Variants in MEIOC observed in about 807,000 individuals in gnomAD.
MEIOC encodes meiosis specific with coiled-coil domain, also known as meiosis-specific coiled-coil domain-containing protein MEIOC.
Under a neutral mutation model 85.3 loss-of-function variants are expected in MEIOC, and 9 were observed. The ratio of observed to expected loss-of-function variants is 0.11; its 90% CI spans 0.06 to 0.18. MEIOC has a LOEUF of 0.18. MEIOC is among the 10% of genes least tolerant of loss of function. MEIOC has a pLI of 1.00. For synonymous variants in MEIOC, 365 were observed against 393.7 expected, an observed-to-expected ratio of 0.93 and a Z score of 0.86; for missense variants, 898 against 1,129.4, an observed-to-expected ratio of 0.80 and a Z score of 2.94.
At chr17:44,670,279 GAAAAA>G (rs887137902) in intron 6 of MEIOC, 1 of 104,660 alleles carries the variant, frequency 9.6e-6, no homozygotes, top group African/African-American at 3.5e-5. Flanking sequence ...AAAAAAAAAA[GAAAAA>G]AAAAGAAAAA....
At chr17:44,657,007 T>C in intron 1 of MEIOC, 120 bp from the exon 2 acceptor site, 1 of 1,193,494 alleles carries the variant, frequency 8.4e-7, no homozygotes, top group Non-Finnish European at 1.1e-6. Context: ...CACATTCGTG[T>C]CCTCTGAGAG....
Position 44,673,421 on chromosome 17 carries a change from G to T in MEIOC, c.2513G>T (p.Ser838Ile). 6.4e-7 allele frequency: 1 copy of T among 1,550,524 alleles called. No homozygotes were observed. ...ERLRSSLLHA[S>I]ISTALDRHLE... ...CTTCGGAGTTCTCTTCTTCATGCCAGTATCTCTACTGCTCTTGATAGACAC... is the reference window on the plus strand; with the variant it reads ...CTTCGGAGTTCTCTTCTTCATGCCATTATCTCTACTGCTCTTGATAGACAC... The change falls in exon 7 of 8, where the codon AGT becomes ATT. Residue 838 changes from serine to isoleucine, a missense_variant. Physicochemically the swap from Ser to Ile is moderately radical, Grantham distance 142. Coordinates refer to ENST00000409122, the MANE Select transcript of MEIOC (RefSeq NM_001145080.3).
rs1040744059 is a variant in MEIOC, at chr17:44,674,273, C to T, written c.*77C>T. 8.2e-6 allele frequency: 12 copies of T among 1,465,520 alleles called. No individual in the cohort carries two copies. The African/African-American group carries it at 1.6e-4, about 19-fold the overall frequency. The allele number at this position is 1,465,520 out of a possible 1,614,324, so 90.8% of individuals were successfully genotyped here. A position where few individuals can be genotyped will look rare whatever the true frequency, so the allele number is the denominator to read the frequency against. ...GCTAAAAATGTTTTAATGAACTTGT[C>T]AAACTTTCAGTATGTTTTCTTTCAG... On this transcript the variant is annotated 3_prime_UTR_variant, in exon 8 of 8. Transcript: ENST00000409122.
Position 44,657,279 on chromosome 17 carries a change from G to A in MEIOC, c.204+18G>A. The A allele has an allele frequency of 1.3e-6, 2 of 1,547,338 alleles. No individual in the cohort carries two copies. The highest frequency in any genetic ancestry group is 1.7e-6 in the Non-Finnish European group (2 of 1,143,592). On this transcript the variant is annotated intron_variant, in intron 2 of 7. Coordinates refer to ENST00000409122, the MANE Select transcript of MEIOC (RefSeq NM_001145080.3). ...CATCGCAGGTCCTTTAGTAAACTCT[G>A]CCTCTGTTAGACGATTTATTCTCAA...
chr17:44,676,129 ATT>A (rs1186479055), downstream of MEIOC: 1 of 152,228 alleles, frequency 6.6e-6, no homozygotes, highest in Non-Finnish European at 1.5e-5. Context: ...TCTTTGAAAT[ATT>A]GTTAATCATA....
At position 44,656,938 on chromosome 17, in the gene MEIOC, T is replaced by C. The variant is rs538494356; in HGVS notation, c.70-189T>C. Reference sequence around the variant, plus strand: ...GGCCGGGGAGGGGCGCCCCTCGGGGTCAGCACTCAGGGGGCCCGAGGGGAG... The same window carrying C: ...GGCCGGGGAGGGGCGCCCCTCGGGGCCAGCACTCAGGGGGCCCGAGGGGAG... On this transcript the variant is annotated intron_variant, in intron 1 of 7. Transcript: ENST00000409122. Among the ~76,000 whole-genome samples, 879 of 151,276 alleles carry C rather than the reference T, an allele frequency of 5.8e-3. 8 individuals carry two copies. The highest frequency in any genetic ancestry group is 0.02 in the African/African-American group (841 of 41,260).
intron 6 of MEIOC, 59 bp from the exon 7 acceptor site, chr17:44,673,307 G>T: frequency 7.7e-7 from 1 of 1,290,386 alleles, no homozygotes; most frequent in Non-Finnish European, 1.0e-6. Context: ...CTGAAGATTT[G>T]TTTTTACTTA....
chr17:44,669,919 C>T (rs541755524), intron 6 of MEIOC: 92 of 164,202 alleles, frequency 5.6e-4, no homozygotes, highest in African/African-American at 2.0e-3. Flanking sequence ...TTTTAAATCA[C>T]ATTTACATCT....
At chr17:44,666,091 A>G (rs903998143) in intron 4 of MEIOC, among the ~76,000 whole-genome samples, 14 of 152,310 alleles carry the variant, frequency 9.2e-5, no homozygotes, top group Middle Eastern at 3.4e-3. Flanking sequence ...ACTATAGATA[A>G]ATAATTCATC....
In MEIOC at chr17:44,657,156, T is replaced by A; in HGVS notation, c.99T>A (p.Asn33Lys). The change falls in exon 2 of 8, where the codon AAT becomes AAA. Residue 33 changes from asparagine to lysine, a missense_variant. By Grantham distance (94) the Asn-to-Lys change is moderately conservative (BLOSUM62 0). Coordinates refer to ENST00000409122, the MANE Select transcript of MEIOC (RefSeq NM_001145080.3). The stretch of plus-strand genomic sequence containing the variant: ...AAGTCGCGTTCCCCGGAGGTGCGAA[T>A]CGCTGTTGGAACCTCGGCGCCGACG... Reference protein sequence around the residue: ...EPKVAFPGGANRCWNLGADAG... With the variant: ...EPKVAFPGGAKRCWNLGADAG... 6.4e-7 allele frequency: 1 copy of A among 1,551,360 alleles called. No homozygotes were observed. Among genetic ancestry groups the A allele is most frequent in the South Asian group, 1.2e-5 (1 of 84,060 alleles).
intron 5 of MEIOC, among the ~76,000 whole-genome samples, 186 bp from the exon 6 acceptor site, chr17:44,669,197 C>CATCT (rs1010057544): frequency 6.6e-6 from 1 of 150,804 alleles, no homozygotes; most frequent in Non-Finnish European, 1.5e-5. Context: ...AGTGAGACTC[C>CATCT]ATCTGAAAAA....
chr17:44,674,709 A>G lies in MEIOC; in HGVS notation c.*513A>G. On this transcript the variant is annotated 3_prime_UTR_variant, in exon 8 of 8. Transcript: ENST00000409122. The stretch of plus-strand genomic sequence containing the variant: ...AAAGGAAAATACGGATAAACCCAAT[A>G]TTCATGTACAAACTTAATATTTAAA... 2.0e-6 allele frequency: 2 copies of G among 983,352 alleles called. No homozygotes were observed. The highest frequency in any genetic ancestry group is 2.4e-6 in the Non-Finnish European group (2 of 827,752). 60.9% of individuals were successfully genotyped at this position (983,352 alleles called of 1,614,324 possible).
intron 5 of MEIOC, among the ~76,000 whole-genome samples, chr17:44,668,929 C>T (rs570427042): frequency 1.3e-5 from 2 of 152,208 alleles, no homozygotes; most frequent in South Asian, 2.1e-4. Flanking sequence ...GATAGCTGGG[C>T]GCGGTGGCTC....
At position 44,662,455 on chromosome 17, in the gene MEIOC, A is replaced by T. The variant is rs78179276; in HGVS notation, c.343A>T (p.Ile115Phe). The T allele has an allele frequency of 3.6e-4, 561 of 1,542,274 alleles. 4 individuals carry two copies. In the East Asian group the frequency reaches 5.9e-3, roughly 16 times the overall value. The change falls in exon 3 of 8, where the codon ATC becomes TTC. Residue 115 changes from isoleucine to phenylalanine, a missense_variant. Ile to Phe is a conservative substitution (Grantham distance 21). This residue lies in a region of MEIOC where 734 missense variants were observed against 860.1 expected (regional missense o/e 0.85). Coordinates refer to ENST00000409122, the MANE Select transcript of MEIOC (RefSeq NM_001145080.3). Reference sequence around the variant, plus strand: ...CATTAAACAACCTTCTAATTCTCAGATCAGTATAAAGAACAGGTAAATTAA... The same window carrying T: ...CATTAAACAACCTTCTAATTCTCAGTTCAGTATAAAGAACAGGTAAATTAA... ...DDIKQPSNSQ[I>F]SIKNRIQTER...
At chr17:44,656,728 A>G in intron 1 of MEIOC, 46 bp downstream of exon 1, 3 of 1,391,426 alleles carry the variant, frequency 2.2e-6, no homozygotes, top group Non-Finnish European at 2.8e-6. Context: ...CCAGACTTGC[A>G]AGAGGCGACG....
rs1971756693 is a variant in MEIOC at position 44,656,537 on chromosome 17, C to T, written c.-77C>T. 4 of 1,184,474 alleles carry T rather than the reference C, an allele frequency of 3.4e-6. No homozygotes were observed. The highest frequency in any genetic ancestry group is 2.2e-5 in the South Asian group (1 of 45,094). The allele number at this position is 1,184,474 out of a possible 1,614,324, so 73.4% of individuals were successfully genotyped here. Reference sequence around the variant, plus strand: ...GACGGCGGGGTGCGGGCTGAGGGAGCCGGGCCTGGACGCCCCCCCCATCAC... The same window carrying T: ...GACGGCGGGGTGCGGGCTGAGGGAGTCGGGCCTGGACGCCCCCCCCATCAC... On this transcript the variant is annotated 5_prime_UTR_variant, in exon 1 of 8. Coordinates refer to ENST00000409122, the MANE Select transcript of MEIOC (RefSeq NM_001145080.3).
chr17:44,671,734 GTC>G (rs1972014517), intron 6 of MEIOC, among the ~76,000 whole-genome samples: 1 of 151,088 alleles, frequency 6.6e-6, no homozygotes, highest in Non-Finnish European at 1.5e-5. Context: ...GTGAAACCCG[GTC>G]TCTACTAAAA....
At chr17:44,658,149 G>C (rs1309725838) in intron 2 of MEIOC, among the ~76,000 whole-genome samples, 2 of 114,888 alleles carry the variant, frequency 1.7e-5, no homozygotes, top group Non-Finnish European at 3.5e-5. Flanking sequence ...CCCAGCCCAG[G>C]AACAATTTTT....
At position 44,667,894 on chromosome 17, in the gene MEIOC, A is replaced by G; in HGVS notation, c.1983A>G (p.Gln661=). 3 of 1,613,950 alleles carry G rather than the reference A, an allele frequency of 1.9e-6. No individual in the cohort carries two copies. The highest frequency in any genetic ancestry group is 2.5e-6 in the Non-Finnish European group (3 of 1,179,854). Residue 661 remains glutamine (Q), a synonymous_variant, in exon 5 of 8, where the codon CAA becomes CAG. Coordinates refer to ENST00000409122, the MANE Select transcript of MEIOC (RefSeq NM_001145080.3). ...GGDNSRVNRT[Q]VSCFSNNYMM... is the part of the protein sequence containing the mutation. ...ACAATAGCCGTGTGAATCGCACACAAGTGTCATGCTTTTCTAATAATTATA... is the reference window on the plus strand; with the variant it reads ...ACAATAGCCGTGTGAATCGCACACAGGTGTCATGCTTTTCTAATAATTATA...
Sources: allele counts gnomAD v4.1 joint callset (sites outside exome capture counted in the v4.1 genomes callset), GRCh38; gene constraint gnomAD v4.1.1; regional missense constraint gnomAD v4.1.1; transcripts MANE v1.5; gene names NCBI Gene and HGNC (gene_info 2026-07-23, HGNC 2026-07-21).